The following CHCHD3 variants were observed in gnomAD, a reference collection of about 807,000 sequenced individuals.
The protein encoded by CHCHD3 is MICOS complex subunit MIC19.
CHCHD3 carries 20 observed loss-of-function variants against 38.2 expected under a neutral mutation model. The observed-to-expected ratio is 0.52, with a 90% confidence interval of 0.37 to 0.76. The LOEUF (loss-of-function observed/expected upper bound fraction) is 0.76, where lower values mean the gene tolerates loss of function less well. Ranked by LOEUF, CHCHD3 falls within the 30% of genes least tolerant of loss-of-function variation. The pLI, the probability that CHCHD3 is intolerant of heterozygous loss-of-function variation, is 0.00. For synonymous variants in CHCHD3, 82 were observed against 100.0 expected, an observed-to-expected ratio of 0.82 and a Z score of 1.07; for missense variants, 245 against 279.2, an observed-to-expected ratio of 0.88 and a Z score of 0.87.
intron 2 of CHCHD3, among the ~76,000 whole-genome samples, chr7:133,063,199 T>C (rs1046256266): frequency 3.3e-5 from 5 of 152,176 alleles, no homozygotes; most frequent in South Asian, 2.1e-4. Flanking sequence ...AAATCCAACA[T>C]AGAGATGAAT....
chr7:133,078,910 G>T (rs145431415), intron 1 of CHCHD3, among the ~76,000 whole-genome samples: 50 of 152,298 alleles, frequency 3.3e-4, no homozygotes, highest in Admixed American at 7.2e-4. Flanking sequence ...CTGAAGTTTG[G>T]TGCCTCATCG....
At chr7:132,939,762 T>G (rs1356397468) in intron 4 of CHCHD3, among the ~76,000 whole-genome samples, 2 of 152,282 alleles carry the variant, frequency 1.3e-5, no homozygotes, top group East Asian at 3.9e-4. Flanking sequence ...CAAGTTCAAA[T>G]AAACTAGGCG....
intron 4 of CHCHD3, among the ~76,000 whole-genome samples, chr7:132,889,886 A>G (rs1399074328): frequency 2.0e-5 from 3 of 152,234 alleles, no homozygotes; most frequent in Admixed American, 6.5e-5. Flanking sequence ...AACTCCGTAG[A>G]GCTCTCTAAC....
At chr7:133,022,394 G>A (rs1197723553) in intron 3 of CHCHD3, 1 of 456,538 alleles carries the variant, frequency 2.2e-6, no homozygotes, top group Non-Finnish European at 4.4e-6. Context: ...ATTCAATTCA[G>A]GCAATACATA....
intron 4 of CHCHD3, among the ~76,000 whole-genome samples, chr7:132,955,933 G>A (rs78413104): frequency 0.014 from 2,178 of 152,252 alleles, 57 homozygotes; most frequent in African/African-American, 0.049. Flanking sequence ...GGGATTTTCC[G>A]AAAACTGACT....
At chr7:132,936,514 AT>A in intron 4 of CHCHD3, among the ~76,000 whole-genome samples, 1 of 152,310 alleles carries the variant, frequency 6.6e-6, no homozygotes, top group East Asian at 1.9e-4. Flanking sequence ...GCACACCTGA[AT>A]GTCTTCCTAC....
intron 5 of CHCHD3, among the ~76,000 whole-genome samples, chr7:132,842,849 C>A (rs180983534): frequency 2.6e-4 from 40 of 152,210 alleles, no homozygotes; most frequent in African/African-American, 6.5e-4. Flanking sequence ...GTGGTGTCTG[C>A]GGGGATTCTC....
Position 132,965,978 on chromosome 7 carries a change from C to T in CHCHD3, c.369+9191G>A, listed in dbSNP as rs116969596. On this transcript the variant is annotated intron_variant, in intron 4 of 7. Transcript: ENST00000262570. The stretch of plus-strand genomic sequence containing the variant: ...CAATGAAGACATTTGATAAGTTTAC[C>T]ACAAGTAATCATAAATTATTGGTGC... Among the ~76,000 whole-genome samples, 1,285 of 152,162 alleles carry T rather than the reference C, an allele frequency of 8.4e-3. 10 individuals are homozygous for T. Among genetic ancestry groups the T allele is most frequent in the South Asian group, 0.066 (317 of 4,816 alleles).
At position 133,027,385 on chromosome 7, in the gene CHCHD3, GAA is replaced by G. The variant is rs1491422913; in HGVS notation, c.170-2760_170-2759del. 6.2e-3 allele frequency among the ~76,000 whole-genome samples: 742 copies of G among 120,162 alleles called. 3 individuals carry two copies. Among genetic ancestry groups the G allele is most frequent in the African/African-American group, 0.022 (700 of 31,660 alleles). 78.8% of individuals were successfully genotyped at this position (120,162 alleles called of 152,430 possible). ...TGTAAGAGAGAGAGAGAGAGAGAGA[GAA>G]AGAGAGAGAGAGGGAGAAAGAAAGA... On this transcript the variant is annotated intron_variant, in intron 2 of 7. Coordinates refer to ENST00000262570, the MANE Select transcript of CHCHD3 (RefSeq NM_017812.4).
At chr7:132,871,002 T>C (rs1808755589) in intron 5 of CHCHD3, among the ~76,000 whole-genome samples, 1 of 152,206 alleles carries the variant, frequency 6.6e-6, no homozygotes, top group African/African-American at 2.4e-5. Flanking sequence ...AATATTAGTT[T>C]TAATGATATA....
intron 4 of CHCHD3, among the ~76,000 whole-genome samples, chr7:132,934,316 C>G (rs565411082): frequency 3.2e-4 from 48 of 152,140 alleles, no homozygotes; most frequent in Non-Finnish European, 5.0e-4. Context: ...GAGTTACAGG[C>G]CTTTCACAAA....
intron 5 of CHCHD3, among the ~76,000 whole-genome samples, chr7:132,841,363 G>A (rs1323940245): frequency 6.7e-6 from 1 of 148,582 alleles, no homozygotes; most frequent in Non-Finnish European, 1.5e-5. Flanking sequence ...ATCTCCTTTG[G>A]CCTCAGAAGA....
intron 3 of CHCHD3, among the ~76,000 whole-genome samples, chr7:133,019,339 T>A (rs939496621): frequency 2.0e-5 from 3 of 152,304 alleles, no homozygotes; most frequent in African/African-American, 7.2e-5. Flanking sequence ...AAAATCAAGA[T>A]AAATTATCAT....
At chr7:133,015,818 C>T (rs1813013447) in intron 3 of CHCHD3, among the ~76,000 whole-genome samples, 1 of 152,130 alleles carries the variant, frequency 6.6e-6, no homozygotes, top group Non-Finnish European at 1.5e-5. Context: ...GTTTAATTAG[C>T]TCACGGTTCT....
chr7:133,076,926 T>G (rs550497138), intron 1 of CHCHD3, among the ~76,000 whole-genome samples: 1 of 152,182 alleles, frequency 6.6e-6, no homozygotes, highest in Non-Finnish European at 1.5e-5. Context: ...ACCCATTTTT[T>G]CTCTCTTGAT....
At chr7:132,888,029 C>A (rs572406245) in intron 4 of CHCHD3, among the ~76,000 whole-genome samples, 2 of 151,266 alleles carry the variant, frequency 1.3e-5, no homozygotes, top group Admixed American at 6.6e-5. Context: ...GAAATAAAAA[C>A]AAACCAATCC....
At chr7:132,792,147 C>A (rs746475019) in intron 7 of CHCHD3, among the ~76,000 whole-genome samples, 8 of 152,110 alleles carry the variant, frequency 5.3e-5, no homozygotes, top group Non-Finnish European at 1.2e-4. Context: ...CCCAGTTTGC[C>A]CTTGGTTGTC....
At chr7:132,937,362 T>C (rs1394672536) in intron 4 of CHCHD3, among the ~76,000 whole-genome samples, 2 of 152,218 alleles carry the variant, frequency 1.3e-5, no homozygotes, top group African/African-American at 4.8e-5. Context: ...AACTGGACTA[T>C]TGTTCTTATA....
chr7:132,825,499 G>T (rs1349715010), intron 6 of CHCHD3, among the ~76,000 whole-genome samples: 1 of 152,172 alleles, frequency 6.6e-6, no homozygotes, highest in Non-Finnish European at 1.5e-5. Context: ...AATTAACCAG[G>T]ATGTCTTAAA....
Sources: gnomAD v4.1 joint callset for allele counts (sites outside exome capture counted in the v4.1 genomes callset) on GRCh38, gnomAD v4.1.1 for gene constraint, MANE v1.5 for transcripts, NCBI Gene and HGNC (gene_info 2026-07-23, HGNC 2026-07-21) for gene names.